Variants in KCNC2 observed in about 807,000 individuals in gnomAD.
KCNC2 encodes the protein voltage-gated potassium channel KCNC2.
Under a neutral mutation model 44.5 loss-of-function variants are expected in KCNC2, and 21 were observed. That is an observed-to-expected ratio of 0.47 (90% confidence interval 0.33 to 0.68). The LOEUF (loss-of-function observed/expected upper bound fraction) is 0.68. Ranked by LOEUF, KCNC2 falls within the 30% of genes least tolerant of loss-of-function variation. The pLI is 0.01. For synonymous variants in KCNC2, 391 were observed against 339.1 expected (o/e 1.15, Z -1.68); for missense variants, 589 against 826.2 (o/e 0.71, Z 3.52).
In KCNC2 at chr12:75,041,609, G is replaced by A; in HGVS notation, c.*1496C>T. On this transcript the variant is annotated 3_prime_UTR_variant, in exon 5 of 5. Coordinates refer to ENST00000549446, the MANE Select transcript of KCNC2 (RefSeq NM_139137.4). The stretch of plus-strand genomic sequence containing the variant: ...CTATTGCTGTTGAATTCATAGGAAT[G>A]CATAAATAGACTTTCTTCCACTCAG... The A allele has an allele frequency of 1.4e-5, 14 of 1,027,960 alleles. No individual in the cohort carries two copies. The highest frequency in any genetic ancestry group is 1.7e-5 in the African/African-American group (1 of 58,928). 63.7% of individuals were successfully genotyped at this position (1,027,960 alleles called of 1,614,324 possible).
chr12:75,049,627 C>T (rs1042300944), intron 3 of KCNC2, among the ~76,000 whole-genome samples: 23 of 151,968 alleles, frequency 1.5e-4, no homozygotes, highest in Non-Finnish European at 2.2e-4. Context: ...AAATTCAGTT[C>T]TGAGAGAGAG....
In KCNC2 at chr12:75,040,524, A is replaced by C. The variant is rs199855494; in HGVS notation, c.*2581T>G. On this transcript the variant is annotated 3_prime_UTR_variant, in exon 5 of 5. Transcript: ENST00000549446. ...ATTGCCAGAATTATGTTTTTGTAAT[A>C]TTTATAATTGAGGTAATAATGATAA... 1.3e-5 allele frequency: 2 copies of C among 152,758 alleles called. No homozygotes were observed. The highest frequency in any genetic ancestry group is 2.9e-5 in the Non-Finnish European group (2 of 68,152). The allele number at this position is 152,758 out of a possible 1,614,324, so 9.5% of individuals were successfully genotyped here.
In KCNC2 at chr12:75,041,837, G is replaced by A. The variant is rs12315808; in HGVS notation, c.*1268C>T. ...AATTTATACACAAAGCAGAGAGGCT[G>A]CTCCAAATAGCAAAAAATGGTATGG... On this transcript the variant is annotated 3_prime_UTR_variant, in exon 5 of 5. Transcript: ENST00000549446. 3,055 of 987,818 alleles carry A rather than the reference G, an allele frequency of 3.1e-3. 79 individuals are homozygous for A. The African/African-American group carries it at 0.05, about 16-fold the overall frequency. The allele number at this position is 987,818 out of a possible 1,614,324, so 61.2% of individuals were successfully genotyped here.
intron 2 of KCNC2, among the ~76,000 whole-genome samples, chr12:75,177,032 T>TA (rs1892232536): frequency 1.4e-5 from 2 of 139,910 alleles, no homozygotes; most frequent in African/African-American, 5.4e-5. Flanking sequence ...GCTGCAAGTT[T>TA]TATATATATA....
chr12:75,125,770 CT>C (rs151139031), intron 2 of KCNC2, among the ~76,000 whole-genome samples: 1 of 152,108 alleles, frequency 6.6e-6, no homozygotes, highest in Non-Finnish European at 1.5e-5. Flanking sequence ...ATTCCCTTTT[CT>C]TTTTCATGTG....
At chr12:75,203,871 T>C (rs1271603651) in intron 2 of KCNC2, among the ~76,000 whole-genome samples, 1 of 151,922 alleles carries the variant, frequency 6.6e-6, no homozygotes, top group Non-Finnish European at 1.5e-5. Context: ...TAAAAACTTC[T>C]AAAAATCTAG....
chr12:75,047,007 T>C (rs1208363862), intron 4 of KCNC2, among the ~76,000 whole-genome samples: 2 of 151,976 alleles, frequency 1.3e-5, no homozygotes, highest in East Asian at 3.9e-4. Flanking sequence ...AATAATTCAA[T>C]AGGGAGAAAC....
chr12:75,189,940 CA>C (rs2030035763), intron 2 of KCNC2, among the ~76,000 whole-genome samples: 2 of 152,092 alleles, frequency 1.3e-5, no homozygotes, highest in Non-Finnish European at 2.9e-5. Context: ...CACCTCTCGC[CA>C]ATACAAAAAT....
chr12:75,128,657 A>AT (rs1022918200), intron 2 of KCNC2, among the ~76,000 whole-genome samples: 1 of 152,158 alleles, frequency 6.6e-6, no homozygotes, highest in African/African-American at 2.4e-5. Flanking sequence ...ACAACAGGAA[A>AT]AAAAACAGAT....
At chr12:75,179,597 A>T (rs78647476) in intron 2 of KCNC2, among the ~76,000 whole-genome samples, 129,786 of 129,788 alleles carry the variant, frequency 1, 64,892 homozygotes, top group Middle Eastern at 1. Context: ...TGAAGGCATA[A>T]AAATGTGTTT....
At chr12:75,132,973 A>C (rs561630678) in intron 2 of KCNC2, among the ~76,000 whole-genome samples, 1 of 152,154 alleles carries the variant, frequency 6.6e-6, no homozygotes, top group East Asian at 1.9e-4. Flanking sequence ...CCTCTGGTTG[A>C]TGAATTAGCG....
intron 2 of KCNC2, among the ~76,000 whole-genome samples, chr12:75,117,009 A>AT (rs1259416274): frequency 6.6e-6 from 1 of 151,304 alleles, no homozygotes; most frequent in South Asian, 2.1e-4. Flanking sequence ...ATAGCAACAC[A>AT]TTTTTTTTCT....
At chr12:75,189,693 T>C (rs1409140926) in intron 2 of KCNC2, among the ~76,000 whole-genome samples, 1 of 152,132 alleles carries the variant, frequency 6.6e-6, no homozygotes, top group Non-Finnish European at 1.5e-5. Context: ...TACCACTTGA[T>C]CTTTCATTCC....
intron 2 of KCNC2, among the ~76,000 whole-genome samples, chr12:75,096,950 T>G (rs1885980678): frequency 6.6e-6 from 1 of 152,126 alleles, no homozygotes; most frequent in Non-Finnish European, 1.5e-5. Context: ...AACTTTCATA[T>G]GAATGTTTAT....
intron 2 of KCNC2, among the ~76,000 whole-genome samples, chr12:75,150,269 T>G (rs1009295409): frequency 1.3e-5 from 2 of 151,912 alleles, no homozygotes; most frequent in Non-Finnish European, 2.9e-5. Flanking sequence ...AGTTTACTTT[T>G]CACTACACCC....
intron 4 of KCNC2, chr12:75,044,498 C>G (rs936279000): frequency 4.6e-5 from 7 of 151,780 alleles, no homozygotes; most frequent in African/African-American, 1.7e-4. Flanking sequence ...TTAATTCAAT[C>G]TTTTCATGGA....
intron 2 of KCNC2, among the ~76,000 whole-genome samples, chr12:75,055,734 A>AT (rs1881671982): frequency 6.6e-6 from 1 of 151,822 alleles, no homozygotes; most frequent in South Asian, 2.1e-4. Flanking sequence ...CAGGACTCTT[A>AT]TTTTTTTCCA....
At chr12:75,122,662 T>C (rs1888127966) in intron 2 of KCNC2, among the ~76,000 whole-genome samples, 1 of 152,146 alleles carries the variant, frequency 6.6e-6, no homozygotes, top group Non-Finnish European at 1.5e-5. Context: ...AAATAAAGAC[T>C]ATTACAATTA....
At chr12:75,193,150 C>A (rs1430648007) in intron 2 of KCNC2, among the ~76,000 whole-genome samples, 2 of 152,010 alleles carry the variant, frequency 1.3e-5, no homozygotes, top group African/African-American at 2.4e-5. Context: ...GAACAAGAAG[C>A]CTATACACAT....
Sources: gnomAD v4.1 joint callset for allele counts (sites outside exome capture counted in the v4.1 genomes callset) on GRCh38, gnomAD v4.1.1 for gene constraint, MANE v1.5 for transcripts, NCBI Gene and HGNC (gene_info 2026-07-23, HGNC 2026-07-21) for gene names.